TPST2: variants seen among roughly 807,000 people sequenced by gnomAD.
The protein encoded by TPST2 is tyrosylprotein sulfotransferase 2.
A neutral mutation model predicts 27.8 loss-of-function variants in TPST2; 16 were observed. That is an observed-to-expected ratio of 0.58 (90% CI 0.39 to 0.88). The LOEUF is 0.88. Among genes scored for constraint, TPST2 ranks in the 40% least tolerant of loss-of-function variants. The probability of loss-of-function intolerance (pLI) is 0.00; values close to 1 mark genes in which losing one functional copy is unlikely to be tolerated. For synonymous variants in TPST2, 229 were observed against 231.7 expected, an observed-to-expected ratio of 0.99 and a Z score of 0.10; for missense variants, 464 against 543.1, an observed-to-expected ratio of 0.85 and a Z score of 1.45.
chr22:26,575,788 G>C (rs572439980), intron 1 of TPST2, among the ~76,000 whole-genome samples: 1 of 152,196 alleles, frequency 6.6e-6, no homozygotes, highest in African/African-American at 2.4e-5. Flanking sequence ...GAGGTCAGGA[G>C]TTCCAGACCA....
chr22:26,579,579 T>C (rs1056894359), intron 1 of TPST2, among the ~76,000 whole-genome samples: 1 of 152,182 alleles, frequency 6.6e-6, no homozygotes, highest in Non-Finnish European at 1.5e-5. Flanking sequence ...CCTCCAAAGG[T>C]TTCTGGCTGA....
At chr22:26,569,166 C>T (rs758142840) in intron 1 of TPST2, among the ~76,000 whole-genome samples, 1 of 152,074 alleles carries the variant, frequency 6.6e-6, no homozygotes, top group Non-Finnish European at 1.5e-5. Flanking sequence ...CCCAGCCTCA[C>T]CCTGAATTCT....
chr22:26,557,064 G>T (rs746659417), intron 1 of TPST2, among the ~76,000 whole-genome samples: 14 of 152,238 alleles, frequency 9.2e-5, no homozygotes, highest in Non-Finnish European at 1.5e-4. Flanking sequence ...AATATAAGTA[G>T]GTAGGAGATG....
Position 26,528,241 on chromosome 22 carries a change from A to G in TPST2, c.1114T>C (p.Ser372Pro), listed in dbSNP as rs201289379. The part of the protein sequence containing the change: ...YFQVNQNSTS[S>P]HLGSS ...GGAAATCACGAGCTTCCTAAGTGGGAGGAGGTGCTGTTCTGGTTCACCTGG... is the reference window on the plus strand; with the variant it reads ...GGAAATCACGAGCTTCCTAAGTGGGGGGAGGTGCTGTTCTGGTTCACCTGG... Residue 372 changes from serine (S) to proline (P), a missense_variant, in exon 6 of 7, where the codon TCC becomes CCC. By Grantham distance (74) the Ser-to-Pro change is moderately conservative (BLOSUM62 -1). Transcript: ENST00000338754. 1 of 1,564,846 alleles carries G rather than the reference A, an allele frequency of 6.4e-7. No individual in the cohort carries two copies. Among genetic ancestry groups the G allele is most frequent in the Non-Finnish European group, 8.7e-7 (1 of 1,152,840 alleles).
intron 5 of TPST2, among the ~76,000 whole-genome samples, chr22:26,528,725 G>A (rs922159672): frequency 1.5e-4 from 23 of 152,224 alleles, no homozygotes; most frequent in Admixed American, 1.4e-3. Flanking sequence ...GCTCATGGCT[G>A]TAATCCCAGC....
At position 26,541,953 on chromosome 22, in the gene TPST2, C is replaced by G. The variant is rs1457636159; in HGVS notation, c.-88-235G>C. ...CCCAGGCTGCTCTTGAACTCGTGGG[C>G]CTGGGTGATCCTCCTACCTGTCTCC... On this transcript the variant is annotated intron_variant, in intron 2 of 6. Coordinates refer to ENST00000338754, the MANE Select transcript of TPST2 (RefSeq NM_003595.5). This position sits in a 1 kb window ranked among gnomAD's most constrained non-coding sequence, Gnocchi z 5.9. Among the ~76,000 whole-genome samples, 3 of 152,020 alleles carry G rather than the reference C, an allele frequency of 2.0e-5. No homozygotes were observed. The highest frequency in any genetic ancestry group is 4.4e-5 in the Non-Finnish European group (3 of 68,002).
chr22:26,532,121 A>G (rs1045667671), intron 5 of TPST2, among the ~76,000 whole-genome samples: 1 of 152,046 alleles, frequency 6.6e-6, no homozygotes, highest in African/African-American at 2.4e-5. Flanking sequence ...ACAAGAAAGA[A>G]AGCCCAAGAA....
At chr22:26,559,539 G>A (rs536999271) in intron 1 of TPST2, among the ~76,000 whole-genome samples, 7 of 152,204 alleles carry the variant, frequency 4.6e-5, no homozygotes, top group Non-Finnish European at 1.0e-4. Flanking sequence ...GTACCCTTAC[G>A]TATCAAACTG....
Position 26,541,372 on chromosome 22 carries a change from T to A in TPST2, c.259A>T (p.Met87Leu), listed in dbSNP as rs1230219809. Residue 87 changes from methionine to leucine, a missense_variant, in exon 3 of 7, where the codon ATG (methionine) becomes TTG (leucine). Coordinates refer to ENST00000338754, the MANE Select transcript of TPST2 (RefSeq NM_003595.5). The surrounding 1 kb of genome is among the most constrained non-coding windows in gnomAD (Gnocchi z 5.9). ...CGCACCTCGGGGTGCGCGTCCAGCA[T>A]GGCGCGCATCAACGTGGTGCCACTG... Reference protein sequence around the residue: ...PRSGTTLMRAMLDAHPEVRCG... With the variant: ...PRSGTTLMRALLDAHPEVRCG... 1 of 1,556,936 alleles carries A rather than the reference T, an allele frequency of 6.4e-7. No homozygotes were observed.
intron 4 of TPST2, among the ~76,000 whole-genome samples, chr22:26,533,698 T>C (rs1211316870): frequency 1.3e-5 from 2 of 151,916 alleles, no homozygotes; most frequent in African/African-American, 4.8e-5. Context: ...TATTGAGACA[T>C]GGTCTCACTC....
chr22:26,551,158 C>T (rs1467457177), intron 1 of TPST2, among the ~76,000 whole-genome samples: 1 of 151,976 alleles, frequency 6.6e-6, no homozygotes, highest in Non-Finnish European at 1.5e-5. Context: ...GATGATAATA[C>T]ACCCATAGTC....
chr22:26,557,451 G>A, intron 1 of TPST2, among the ~76,000 whole-genome samples: 1 of 152,216 alleles, frequency 6.6e-6, no homozygotes, highest in East Asian at 1.9e-4. Context: ...AAGACCAGAG[G>A]GGTGTGGCTA....
chr22:26,550,533 G>T, intron 1 of TPST2: 1 of 959,604 alleles, frequency 1.0e-6, no homozygotes, highest in Non-Finnish European at 1.2e-6. Flanking sequence ...GGGCAGGGAG[G>T]GGACAACAGC....
At chr22:26,546,770 C>T (rs1926149113) in intron 1 of TPST2, among the ~76,000 whole-genome samples, 3 of 152,220 alleles carry the variant, frequency 2.0e-5, no homozygotes, top group Admixed American at 1.3e-4. Flanking sequence ...GGACAGTGCA[C>T]ATTTAGGATG....
chr22:26,572,341 G>A, intron 1 of TPST2, among the ~76,000 whole-genome samples: 1 of 152,158 alleles, frequency 6.6e-6, no homozygotes, highest in Non-Finnish European at 1.5e-5. Context: ...GTCACCACCT[G>A]CAAAGCTGGC....
In TPST2 at chr22:26,568,922, GGCCC is replaced by G. The variant is rs1454525465; in HGVS notation, c.-161+21127_-161+21130del. On this transcript the variant is annotated intron_variant, in intron 1 of 6. Transcript: ENST00000338754. Reference sequence around the variant, plus strand: ...TCTGTCTCCCAGGCTGGAGTGCAGTGGCCCGATCTCGGCTCACTGCAAGCTCCGC... The same window carrying G: ...TCTGTCTCCCAGGCTGGAGTGCAGTGGATCTCGGCTCACTGCAAGCTCCGC... 5.1e-3 allele frequency among the ~76,000 whole-genome samples: 710 copies of G among 138,542 alleles called. 5 individuals are homozygous for G. The highest frequency in any genetic ancestry group is 0.018 in the African/African-American group (660 of 36,504). 90.9% of individuals were successfully genotyped at this position (138,542 alleles called of 152,430 possible). A position where few individuals can be genotyped will look rare whatever the true frequency, so the allele number is the denominator to read the frequency against.
intron 3 of TPST2, among the ~76,000 whole-genome samples, chr22:26,539,978 C>T (rs1039163723): frequency 1.1e-4 from 16 of 152,150 alleles, no homozygotes. Context: ...GGGGGCTTAA[C>T]CCAATACTTG....
In TPST2 at chr22:26,541,084, G is replaced by A. The variant is rs1447875903; in HGVS notation, c.547C>T (p.Arg183Trp). 3.7e-6 allele frequency: 6 copies of A among 1,607,942 alleles called. No individual in the cohort carries two copies. The highest frequency in any genetic ancestry group is 1.7e-5 in the Admixed American group (1 of 59,862). Residue 183 changes from arginine (R) to tryptophan (W), a missense_variant, in exon 3 of 7, where the codon CGG (arginine) becomes TGG (tryptophan). Arg to Trp is a moderately radical substitution (Grantham distance 101, BLOSUM62 -3). Coordinates refer to ENST00000338754, the MANE Select transcript of TPST2 (RefSeq NM_003595.5). The surrounding 1 kb of genome is among the most constrained non-coding windows in gnomAD (Gnocchi z 5.9). ...GAGTGCACGGAGGCCCGGCCGTCCC[G>A]CACCATCAGCAGGAACTTGGAGTTG... ...FPNSKFLLMV[R>W]DGRASVHSMI...
At chr22:26,531,704 A>G (rs916855658) in intron 5 of TPST2, among the ~76,000 whole-genome samples, 23 of 152,324 alleles carry the variant, frequency 1.5e-4, no homozygotes, top group Non-Finnish European at 2.2e-4. Context: ...ACCAGCTCCC[A>G]GACTTACTTA....
Sources: allele counts gnomAD v4.1 joint callset (sites outside exome capture counted in the v4.1 genomes callset), GRCh38; gene constraint gnomAD v4.1.1; non-coding constraint Gnocchi (gnomAD v3.1); transcripts MANE v1.5; gene names NCBI Gene and HGNC (gene_info 2026-07-23, HGNC 2026-07-21).